Variants in CMTM4 observed in about 807,000 individuals in gnomAD.
CMTM4 encodes the protein CKLF-like MARVEL transmembrane domain-containing protein 4.
A neutral mutation model predicts 19.0 loss-of-function variants in CMTM4; 8 were observed. That is an observed-to-expected ratio of 0.42 (90% CI 0.25 to 0.76). The LOEUF (loss-of-function observed/expected upper bound fraction) is 0.76. Among genes scored for constraint, CMTM4 ranks in the 30% least tolerant of loss-of-function variants. The probability of loss-of-function intolerance (pLI) is 0.27; values close to 1 mark genes in which losing one functional copy is unlikely to be tolerated. For synonymous variants in CMTM4, 106 were observed against 121.1 expected, an observed-to-expected ratio of 0.88 and a Z score of 0.82; for missense variants, 228 against 290.2, an observed-to-expected ratio of 0.79 and a Z score of 1.56.
the CMTM4 span, among the ~76,000 whole-genome samples, chr16:66,601,544 G>A: frequency 1.1e-4 from 17 of 152,198 alleles, no homozygotes; most frequent in African/African-American, 2.4e-4. Context: ...CAGAAAAGGA[G>A]GTACAAGTTC....
Position 66,621,700 on chromosome 16 carries a change from T to C in CMTM4, c.*358A>G, listed in dbSNP as rs2015638313. On this transcript the variant is annotated 3_prime_UTR_variant, in exon 4 of 4. Coordinates refer to ENST00000394106, the MANE Select transcript of CMTM4 (RefSeq NM_181521.3). The stretch of plus-strand genomic sequence containing the variant: ...TGACCGTTCCAATGCTGTCCCTTCA[T>C]TCCTTCATATTTCCCCCCTCTTAGC... The C allele has an allele frequency of 9.3e-7, 1 of 1,070,956 alleles. No homozygotes were observed. Among genetic ancestry groups the C allele is most frequent in the Non-Finnish European group, 1.1e-6 (1 of 879,340 alleles). The allele number at this position is 1,070,956 out of a possible 1,614,324, so 66.3% of individuals were successfully genotyped here.
chr16:66,674,732 C>CTTTTTTTTT lies in CMTM4; in HGVS notation c.186+21599_186+21607dup, dbSNP rs771044359. On this transcript the variant is annotated intron_variant, in intron 1 of 3. Transcript: ENST00000394106. ...CAAGTGCTGAAAGGTGTTACATATTCTTTTTTTTTTTTTTTTTTTTTTTTT... is the reference window on the plus strand; with the variant it reads ...CAAGTGCTGAAAGGTGTTACATATTCTTTTTTTTTTTTTTTTTTTTTTTTTTTTTTTTTT... 1.4e-4 allele frequency among the ~76,000 whole-genome samples: 13 copies of CTTTTTTTTT among 92,486 alleles called. 1 individual carries two copies. Among genetic ancestry groups the CTTTTTTTTT allele is most frequent in the East Asian group, 3.6e-4 (1 of 2,776 alleles). The allele number at this position is 92,486 out of a possible 152,430, so 60.7% of individuals were successfully genotyped here.
chr16:66,677,139 G>A (rs2016822625), intron 1 of CMTM4, among the ~76,000 whole-genome samples: 1 of 152,212 alleles, frequency 6.6e-6, no homozygotes, highest in East Asian at 1.9e-4. Flanking sequence ...TAGAGCCTGA[G>A]GGTCTAGGAC....
chr16:66,670,017 G>A (rs1239800155), intron 1 of CMTM4, among the ~76,000 whole-genome samples: 1 of 152,128 alleles, frequency 6.6e-6, no homozygotes, highest in Non-Finnish European at 1.5e-5. Flanking sequence ...CAAAAATAAT[G>A]TAAAGAAGGA....
At chr16:66,662,540 A>C (rs911873771) in intron 1 of CMTM4, among the ~76,000 whole-genome samples, 1 of 151,842 alleles carries the variant, frequency 6.6e-6, no homozygotes, top group African/African-American at 2.4e-5. Context: ...TAGATTTCAG[A>C]CCCCAGACAA....
chr16:66,600,940 C>T, the CMTM4 span, among the ~76,000 whole-genome samples: 3 of 152,174 alleles, frequency 2.0e-5, no homozygotes, highest in African/African-American at 7.2e-5. Flanking sequence ...TCAGCATGGA[C>T]AATGGCTCTG....
intron 1 of CMTM4, among the ~76,000 whole-genome samples, chr16:66,655,711 G>A (rs769683568): frequency 1.3e-5 from 2 of 152,062 alleles, no homozygotes; most frequent in Non-Finnish European, 2.9e-5. Flanking sequence ...TCCAAGATGA[G>A]TGTGAAACAT....
In CMTM4 at chr16:66,696,362, C is replaced by T. The variant is rs1276232184; in HGVS notation, c.164G>A (p.Gly55Asp). 1.4e-6 allele frequency: 2 copies of T among 1,421,166 alleles called. No homozygotes were observed. Among genetic ancestry groups the T allele is most frequent in the South Asian group, 1.4e-5 (1 of 72,386 alleles). 88.0% of individuals were successfully genotyped at this position (1,421,166 alleles called of 1,614,324 possible). A position where few individuals can be genotyped will look rare whatever the true frequency, so the allele number is the denominator to read the frequency against. Residue 55 changes from glycine (G) to aspartate (D), a missense_variant, in exon 1 of 4, where the codon GGC becomes GAC. By Grantham distance (94) the Gly-to-Asp change is moderately conservative. This residue lies in a region of CMTM4 where 200 missense variants were observed against 226.6 expected (regional missense o/e 0.88). Transcript: ENST00000394106. This position sits in a 1 kb window ranked among gnomAD's most constrained non-coding sequence, Gnocchi z 4.3. Reference sequence around the variant, plus strand: ...TACCACTTGGGCGACCTTGAGGCGGCCGAGCGCGCCGCGCAGGTAGTCGGG... The same window carrying T: ...TACCACTTGGGCGACCTTGAGGCGGTCGAGCGCGCCGCGCAGGTAGTCGGG... The part of the protein sequence containing the change: ...CDPDYLRGAL[G>D]RLKVAQVILA...
At chr16:66,671,994 C>T (rs1195509130) in intron 1 of CMTM4, among the ~76,000 whole-genome samples, 1 of 152,124 alleles carries the variant, frequency 6.6e-6, no homozygotes, top group Non-Finnish European at 1.5e-5. Context: ...TGACTGCACT[C>T]CAGCCTGGGC....
chr16:66,682,007 G>T (rs558292391), intron 1 of CMTM4, among the ~76,000 whole-genome samples: 1 of 152,036 alleles, frequency 6.6e-6, no homozygotes, highest in African/African-American at 2.4e-5. Context: ...GCCCACTATC[G>T]CCAGGCCTCT....
intron 1 of CMTM4, among the ~76,000 whole-genome samples, chr16:66,637,480 G>T (rs1461144952): frequency 1.3e-5 from 2 of 152,138 alleles, no homozygotes; most frequent in Non-Finnish European, 2.9e-5. Flanking sequence ...GGAGGTAGAG[G>T]TTGCAGTAAG....
Position 66,619,053 on chromosome 16 carries a change from A to G in CMTM4, c.*3005T>C, listed in dbSNP as rs1009655867. ...TCGGATGGCTGTTTACTTCAAATCA[A>G]ACTTCTCTGACGAGATTTTAATCTG... On this transcript the variant is annotated 3_prime_UTR_variant, in exon 4 of 4. Transcript: ENST00000394106. 7.1e-6 allele frequency: 7 copies of G among 985,358 alleles called. No homozygotes were observed. Among genetic ancestry groups the G allele is most frequent in the African/African-American group, 1.7e-5 (1 of 57,250 alleles). The allele number at this position is 985,358 out of a possible 1,614,324, so 61.0% of individuals were successfully genotyped here.
At chr16:66,653,302 A>G (rs916637576) in intron 1 of CMTM4, among the ~76,000 whole-genome samples, 1 of 152,220 alleles carries the variant, frequency 6.6e-6, no homozygotes, top group Non-Finnish European at 1.5e-5. Flanking sequence ...AGTGAACTGC[A>G]TATCATACAT....
chr16:66,635,280 C>G (rs951171294), intron 2 of CMTM4, among the ~76,000 whole-genome samples: 9 of 152,232 alleles, frequency 5.9e-5, no homozygotes, highest in Non-Finnish European at 4.4e-5. Context: ...AATACCACCA[C>G]ATTTTTCTCA....
chr16:66,627,341 C>T (rs568766918), intron 2 of CMTM4, among the ~76,000 whole-genome samples: 39 of 152,270 alleles, frequency 2.6e-4, no homozygotes, highest in African/African-American at 8.4e-4. Context: ...CACATGCATA[C>T]GCAAAAGACT....
chr16:66,620,780 C>T lies in CMTM4; in HGVS notation c.*1278G>A, dbSNP rs1169564599. 1.0e-6 allele frequency: 1 copy of T among 985,566 alleles called. No homozygotes were observed. Among genetic ancestry groups the T allele is most frequent in the East Asian group, 1.1e-4 (1 of 8,826 alleles). 61.1% of individuals were successfully genotyped at this position (985,566 alleles called of 1,614,324 possible). On this transcript the variant is annotated 3_prime_UTR_variant, in exon 4 of 4. Transcript: ENST00000394106. ...TTAAAAACAGTTCAAAGAGGGAAAA[C>T]CTGACAAACTAAAACAACTTTTTTC...
intron 1 of CMTM4, among the ~76,000 whole-genome samples, chr16:66,693,359 G>A (rs1249032119): frequency 3.3e-5 from 5 of 152,152 alleles, no homozygotes; most frequent in East Asian, 1.9e-4. Context: ...CTAGGCTCAA[G>A]CAGTCCCCCC....
At chr16:66,692,193 C>T (rs1349270083) in intron 1 of CMTM4, among the ~76,000 whole-genome samples, 2 of 152,076 alleles carry the variant, frequency 1.3e-5, no homozygotes, top group African/African-American at 2.4e-5. Flanking sequence ...CAGGTTCAAG[C>T]GCTTCTCCTG....
Position 66,623,324 on chromosome 16 carries a change from C to G in CMTM4, c.462+80G>C, listed in dbSNP as rs1202607117. 3.1e-6 allele frequency: 3 copies of G among 977,254 alleles called. No homozygotes were observed. The African/African-American group carries it at 4.9e-5, about 16-fold the overall frequency. The allele number at this position is 977,254 out of a possible 1,614,324, so 60.5% of individuals were successfully genotyped here. On this transcript the variant is annotated intron_variant, in intron 3 of 3. Coordinates refer to ENST00000394106, the MANE Select transcript of CMTM4 (RefSeq NM_181521.3). Reference sequence around the variant, plus strand: ...CAAAGAAAAGCCACAGGAGGGGGAGCAGGACACATGCCAGGGACAGGCGAG... The same window carrying G: ...CAAAGAAAAGCCACAGGAGGGGGAGGAGGACACATGCCAGGGACAGGCGAG...
Sources: gnomAD v4.1 joint callset for allele counts (sites outside exome capture counted in the v4.1 genomes callset) on GRCh38, gnomAD v4.1.1 for gene constraint, gnomAD v4.1.1 regional missense constraint, Gnocchi (gnomAD v3.1) non-coding constraint, MANE v1.5 for transcripts, NCBI Gene and HGNC (gene_info 2026-07-23, HGNC 2026-07-21) for gene names.